Variants in GIPC2 observed in about 807,000 individuals in gnomAD.
The protein encoded by GIPC2 is GIPC PDZ domain containing family member 2.
A neutral mutation model predicts 30.6 loss-of-function variants in GIPC2; 30 were observed. That is an observed-to-expected ratio of 0.98 (90% CI 0.73 to 1.33). The LOEUF (loss-of-function observed/expected upper bound fraction) is 1.33, where lower values mean the gene tolerates loss of function less well. Ranked by LOEUF, GIPC2 falls within the 40% of genes most tolerant of loss-of-function variation. GIPC2 has a pLI of 0.00. For synonymous variants in GIPC2, 167 were observed against 150.0 expected, an observed-to-expected ratio of 1.11 and a Z score of -0.83; for missense variants, 414 against 390.3, an observed-to-expected ratio of 1.06 and a Z score of -0.51.
At chr1:78,091,525 G>C in intron 2 of GIPC2, 1 of 740,612 alleles carries the variant, frequency 1.4e-6, no homozygotes, top group Non-Finnish European at 2.5e-6. Flanking sequence ...GCTCCAAACA[G>C]CCGTCCGAGG....
At chr1:78,104,651 AC>A (rs989434053) in intron 3 of GIPC2, among the ~76,000 whole-genome samples, 33 of 152,270 alleles carry the variant, frequency 2.2e-4, no homozygotes, top group African/African-American at 7.9e-4. Context: ...GATTGATGAC[AC>A]TTAGCTAAAG....
At position 78,046,016 on chromosome 1, in the gene GIPC2, G is replaced by C; in HGVS notation, c.-79G>C. The C allele has an allele frequency of 1.4e-6, 2 of 1,395,024 alleles. No individual in the cohort carries two copies. The highest frequency in any genetic ancestry group is 1.6e-5 in the South Asian group (1 of 61,118). 86.4% of individuals were successfully genotyped at this position (1,395,024 alleles called of 1,614,324 possible). On this transcript the variant is annotated 5_prime_UTR_variant, in exon 1 of 6. Transcript: ENST00000370759. Reference sequence around the variant, plus strand: ...GGCTGCTTTTACCTGCGCGGGGCCCGGGGCGCAAAGTCCGAGGCGCCGGGG... The same window carrying C: ...GGCTGCTTTTACCTGCGCGGGGCCCCGGGCGCAAAGTCCGAGGCGCCGGGG...
intron 3 of GIPC2, among the ~76,000 whole-genome samples, chr1:78,109,335 C>T (rs897571076): frequency 2.6e-5 from 4 of 152,198 alleles, no homozygotes; most frequent in African/African-American, 9.7e-5. Context: ...TCAGCTTCCC[C>T]TGATCCGCAG....
chr1:78,078,132 G>A (rs1263995366), intron 1 of GIPC2, among the ~76,000 whole-genome samples: 1 of 136,532 alleles, frequency 7.3e-6, no homozygotes, highest in Non-Finnish European at 1.5e-5. Context: ...AGCTTGCAGT[G>A]AGCCGAGATC....
intron 2 of GIPC2, among the ~76,000 whole-genome samples, chr1:78,085,221 A>T (rs1661904961): frequency 1.3e-5 from 2 of 152,166 alleles, no homozygotes; most frequent in Admixed American, 1.3e-4. Flanking sequence ...TGTTTATGTG[A>T]TGAAGCACAT....
chr1:78,131,759 A>G (rs1662902504), intron 5 of GIPC2, among the ~76,000 whole-genome samples: 1 of 152,234 alleles, frequency 6.6e-6, no homozygotes. Flanking sequence ...AGGATGAGAA[A>G]TAAAATAAAA....
intron 1 of GIPC2, 35 bp downstream of exon 1, chr1:78,046,369 CCGCCGCGCCG>C (rs370883891): frequency 0.025 from 38,630 of 1,557,654 alleles, 622 homozygotes; most frequent in Middle Eastern, 0.068. Flanking sequence ...TCCCGCCTCT[CCGCCGCGCCG>C]CGCCGCGCCG....
chr1:78,074,554 G>A (rs684579), intron 1 of GIPC2, among the ~76,000 whole-genome samples: 139,313 of 152,280 alleles, frequency 0.91, 63,888 homozygotes, highest in African/African-American at 0.95. Context: ...GATGTAGACC[G>A]AACTTTAATA....
intron 4 of GIPC2, among the ~76,000 whole-genome samples, chr1:78,121,881 G>A (rs1260273751): frequency 3.3e-5 from 5 of 152,208 alleles, no homozygotes; most frequent in Non-Finnish European, 5.9e-5. Flanking sequence ...ACAGAGGGAA[G>A]TTGCTGGCTG....
chr1:78,053,863 G>GGCTGCAGTGAGCTATGATTGTGCT (rs1553139234), intron 1 of GIPC2, among the ~76,000 whole-genome samples: 4 of 151,704 alleles, frequency 2.6e-5, no homozygotes, highest in Non-Finnish European at 5.9e-5. Flanking sequence ...CGGAGTTTGA[G>GGCTGCAGTGAGCTATGATTGTGCT]GCTGCAGTGA....
chr1:78,073,492 G>A (rs1327339425), intron 1 of GIPC2, among the ~76,000 whole-genome samples: 15 of 152,036 alleles, frequency 9.9e-5, no homozygotes. Flanking sequence ...AAATTTTGGG[G>A]GTAGATTGAG....
chr1:78,090,468 T>TACA (rs1388331641), intron 2 of GIPC2, among the ~76,000 whole-genome samples: 1 of 152,152 alleles, frequency 6.6e-6, no homozygotes, highest in Non-Finnish European at 1.5e-5. Flanking sequence ...GTGCTAGGAT[T>TACA]ACAGGCATGA....
intron 4 of GIPC2, among the ~76,000 whole-genome samples, chr1:78,123,192 G>A (rs1199102938): frequency 6.6e-6 from 1 of 151,040 alleles, no homozygotes; most frequent in Non-Finnish European, 1.5e-5. Context: ...CCCAGGAGGC[G>A]GAGGTTGCAG....
At chr1:78,085,897 G>GTTTTTTTTTTT (rs35412467) in intron 2 of GIPC2, among the ~76,000 whole-genome samples, 9 of 120,308 alleles carry the variant, frequency 7.5e-5, no homozygotes, top group Non-Finnish European at 1.0e-4. Flanking sequence ...TCTTTTGAAT[G>GTTTTTTTTTTT]TTTTTTTTTT....
chr1:78,078,860 C>T (rs1057259930), intron 1 of GIPC2, among the ~76,000 whole-genome samples: 1 of 128,648 alleles, frequency 7.8e-6, no homozygotes, highest in South Asian at 2.5e-4. Context: ...AAAAAAACAA[C>T]AAACCAAGGA....
intron 1 of GIPC2, among the ~76,000 whole-genome samples, chr1:78,074,435 C>T (rs1661676180): frequency 6.6e-6 from 1 of 151,930 alleles, no homozygotes; most frequent in African/African-American, 2.4e-5. Flanking sequence ...GGCGACTAGG[C>T]TGGTCTTGAA....
chr1:78,118,979 A>G (rs528967084), intron 3 of GIPC2, among the ~76,000 whole-genome samples: 1 of 149,680 alleles, frequency 6.7e-6, no homozygotes, highest in African/African-American at 2.5e-5. Flanking sequence ...TTTCCTTTAA[A>G]TTTTTTTTTT....
intron 2 of GIPC2, chr1:78,091,897 T>G: frequency 1.3e-6 from 1 of 795,296 alleles, no homozygotes; most frequent in Admixed American, 1.7e-5. Context: ...ATTCTGAAGC[T>G]ACAACATTTT....
At chr1:78,108,789 A>G (rs1359307766) in intron 3 of GIPC2, among the ~76,000 whole-genome samples, 1 of 152,126 alleles carries the variant, frequency 6.6e-6, no homozygotes, top group Non-Finnish European at 1.5e-5. Flanking sequence ...TTTATGGACA[A>G]TGCTGTTGGT....
Sources: gnomAD v4.1 joint callset for allele counts (sites outside exome capture counted in the v4.1 genomes callset) on GRCh38, gnomAD v4.1.1 for gene constraint, MANE v1.5 for transcripts, NCBI Gene and HGNC (gene_info 2026-07-23, HGNC 2026-07-21) for gene names.